PTK2: variants seen among roughly 807,000 people sequenced by gnomAD.
PTK2 encodes protein tyrosine kinase 2, also known as focal adhesion kinase 1.
Under a neutral mutation model 150.1 loss-of-function variants are expected in PTK2, and 45 were observed. That is an observed-to-expected ratio of 0.30 (90% CI 0.24 to 0.38). The LOEUF (loss-of-function observed/expected upper bound fraction) is 0.38. PTK2 is among the 10% of genes least tolerant of loss of function. PTK2 has a pLI of 1.00. For missense variants in PTK2, 919 were observed against 1,307.3 expected (o/e 0.70, Z 4.58); for synonymous variants, 432 against 449.2 (o/e 0.96, Z 0.48).
chr8:140,939,375 C>A (rs1324179056), intron 1 of PTK2, among the ~76,000 whole-genome samples: 1 of 152,150 alleles, frequency 6.6e-6, no homozygotes, highest in African/African-American at 2.4e-5. Flanking sequence ...GATATGTGTA[C>A]TATACAAGTT....
At chr8:140,996,760 T>C (rs2100197939) in intron 1 of PTK2, among the ~76,000 whole-genome samples, 1 of 152,242 alleles carries the variant, frequency 6.6e-6, no homozygotes, top group African/African-American at 2.4e-5. Context: ...TATCAAAATA[T>C]TACTGTTCAT....
At chr8:140,887,664 A>G (rs2100152795) in intron 3 of PTK2, among the ~76,000 whole-genome samples, 5 of 152,326 alleles carry the variant, frequency 3.3e-5, no homozygotes, top group African/African-American at 7.2e-5. Context: ...TGCAAGCCAC[A>G]TAAGTAATTT....
At chr8:140,755,028 C>T (rs2100064830) in intron 16 of PTK2, among the ~76,000 whole-genome samples, 1 of 152,116 alleles carries the variant, frequency 6.6e-6, no homozygotes, top group Non-Finnish European at 1.5e-5. Context: ...CACCTTGTGG[C>T]CACTATGCCT....
intron 2 of PTK2, among the ~76,000 whole-genome samples, chr8:140,913,460 T>A (rs556384820): frequency 9.3e-4 from 142 of 152,244 alleles, no homozygotes; most frequent in African/African-American, 3.3e-3. Context: ...TACACCCAGC[T>A]AATTTTTGTA....
At chr8:140,762,143 C>A (rs28470477) in intron 15 of PTK2, among the ~76,000 whole-genome samples, 3,375 of 152,164 alleles carry the variant, frequency 0.022, 130 homozygotes, top group African/African-American at 0.078. Context: ...TACATGTTCT[C>A]CCTGGTTTAT....
At chr8:140,900,632 G>C (rs2100158081) in intron 2 of PTK2, among the ~76,000 whole-genome samples, 1 of 151,940 alleles carries the variant, frequency 6.6e-6, no homozygotes, top group Non-Finnish European at 1.5e-5. Context: ...TGAGCCATCA[G>C]AACAGCTTGA....
chr8:140,919,291 TTAAAAATAGTTGTAC>T (rs1372576296), intron 2 of PTK2, among the ~76,000 whole-genome samples: 1 of 152,252 alleles, frequency 6.6e-6, no homozygotes, highest in Non-Finnish European at 1.5e-5. Context: ...CATATTTCAG[TTAAAAATAGTTGTAC>T]TCATTTGCTC....
At chr8:140,980,171 A>T (rs1015975331) in intron 1 of PTK2, among the ~76,000 whole-genome samples, 2 of 152,268 alleles carry the variant, frequency 1.3e-5, no homozygotes, top group African/African-American at 4.8e-5. Flanking sequence ...AGAGACTGCA[A>T]GCAAACCAAC....
chr8:140,970,045 A>T (rs1307968218), intron 1 of PTK2, among the ~76,000 whole-genome samples: 1 of 152,238 alleles, frequency 6.6e-6, no homozygotes, highest in Admixed American at 6.5e-5. Context: ...ACTAAGACCT[A>T]GATAGAGCAG....
At chr8:140,967,993 GA>G (rs2100185912) in intron 1 of PTK2, among the ~76,000 whole-genome samples, 1 of 152,164 alleles carries the variant, frequency 6.6e-6, no homozygotes, top group Admixed American at 6.5e-5. Flanking sequence ...AAAATCACCA[GA>G]GCAAACAAAA....
intron 2 of PTK2, among the ~76,000 whole-genome samples, chr8:140,901,799 T>C (rs1482231441): frequency 1.3e-5 from 2 of 151,946 alleles, no homozygotes; most frequent in Admixed American, 1.3e-4. Context: ...ACGCTATCCC[T>C]CCCCTACCCC....
chr8:140,669,495 T>C (rs753402047), intron 29 of PTK2: 1 of 497,502 alleles, frequency 2.0e-6, no homozygotes, highest in Middle Eastern at 5.2e-4. Context: ...TCCAAAAGTC[T>C]GGGTATGAGA....
chr8:140,826,128 T>TGGA (rs1247622845), intron 8 of PTK2, among the ~76,000 whole-genome samples: 1 of 152,182 alleles, frequency 6.6e-6, no homozygotes, highest in Non-Finnish European at 1.5e-5. Context: ...AAATGATTTT[T>TGGA]GGAGAAACAA....
intron 3 of PTK2, among the ~76,000 whole-genome samples, chr8:140,886,814 T>C (rs1028496518): frequency 6.6e-6 from 1 of 152,226 alleles, no homozygotes; most frequent in African/African-American, 2.4e-5. Context: ...GCATCCAGCA[T>C]TGCTGATGAA....
intron 11 of PTK2, 112 bp downstream of exon 11, chr8:140,803,431 T>C (rs899438953): frequency 3.0e-5 from 24 of 808,908 alleles, no homozygotes; most frequent in South Asian, 7.5e-5. Flanking sequence ...TATAAGAAAG[T>C]TGTGATTCTG....
intron 24 of PTK2, 71 bp from the exon 28 acceptor site, chr8:140,702,778 GAA>G: frequency 6.7e-7 from 1 of 1,493,616 alleles, no homozygotes; most frequent in Non-Finnish European, 9.1e-7. Context: ...ACACACAAAG[GAA>G]ACTAAAATTA....
intron 5 of PTK2, among the ~76,000 whole-genome samples, chr8:140,851,191 G>A (rs931839895): frequency 2.0e-5 from 3 of 152,182 alleles, no homozygotes; most frequent in Non-Finnish European, 4.4e-5. Flanking sequence ...GGAACTCAAT[G>A]GCAGCTCCAA....
At chr8:140,986,812 T>G (rs1414072206) in intron 1 of PTK2, among the ~76,000 whole-genome samples, 1 of 152,206 alleles carries the variant, frequency 6.6e-6, no homozygotes, top group Non-Finnish European at 1.5e-5. Context: ...GAAGCGACCC[T>G]CATTCCAGGC....
At chr8:140,804,580 C>T (rs1230031408) in intron 10 of PTK2, among the ~76,000 whole-genome samples, 1 of 152,174 alleles carries the variant, frequency 6.6e-6, no homozygotes, top group East Asian at 1.9e-4. Context: ...TTCCATCCTT[C>T]TAGCATCTCA....
Sources: allele counts gnomAD v4.1 joint callset (sites outside exome capture counted in the v4.1 genomes callset), GRCh38; gene constraint gnomAD v4.1.1; transcripts MANE v1.5; gene names NCBI Gene and HGNC (gene_info 2026-07-23, HGNC 2026-07-21).